Variants in MYBBP1A observed in about 807,000 individuals in gnomAD.
MYBBP1A encodes myb-binding protein 1A.
MYBBP1A carries 147 observed loss-of-function variants against 136.3 expected under a neutral mutation model. The observed-to-expected ratio is 1.08, with a 90% CI of 0.94 to 1.24. The LOEUF (loss-of-function observed/expected upper bound fraction) is 1.24. Ranked by LOEUF, MYBBP1A falls within the 50% of genes most tolerant of loss-of-function variation. The probability of loss-of-function intolerance (pLI) is 0.00; values close to 1 mark genes in which losing one functional copy is unlikely to be tolerated. For synonymous variants in MYBBP1A, 947 were observed against 735.8 expected (o/e 1.29, Z -4.65); for missense variants, 2,060 against 1,727.4 (o/e 1.19, Z -3.41).
In MYBBP1A at chr17:4,538,922, G is replaced by A. The variant is rs202098334; in HGVS notation, c.*493C>T. On this transcript the variant is annotated 3_prime_UTR_variant, in exon 26 of 26. Transcript: ENST00000254718. ...CCGAGTGTTGCCTCCTCTTCCTTCC[G>A]GAAGCCAAACTGCTCCTTTATTTTT... is the stretch of plus-strand genomic sequence containing the variant. The A allele has an allele frequency of 2.7e-3, 2,086 of 782,508 alleles. 11 individuals carry two copies. Among genetic ancestry groups the A allele is most frequent in the South Asian group, 5.3e-3 (396 of 74,636 alleles). 48.5% of individuals were successfully genotyped at this position (782,508 alleles called of 1,614,324 possible).
chr17:4,547,879 C>A (rs913157265), intron 13 of MYBBP1A, 79 bp downstream of exon 13: 23 of 1,240,658 alleles, frequency 1.9e-5, no homozygotes, highest in Non-Finnish European at 2.4e-5. Context: ...CCCGCACAGC[C>A]CTCAAAAGCC....
intron 25 of MYBBP1A, 81 bp downstream of exon 25, chr17:4,540,267 G>A (rs890475507): frequency 1.5e-5 from 23 of 1,486,606 alleles, no homozygotes; most frequent in Admixed American, 2.0e-5. Context: ...AGCAGCGTGT[G>A]TGCAGCGTGT....
rs569019152 is a variant in MYBBP1A at position 4,552,394 on chromosome 17, T to C, written c.737+57A>G. The C allele has an allele frequency of 2.8e-5, 45 of 1,603,830 alleles. 1 individual carries two copies. The South Asian group carries it at 5.0e-4, about 18-fold the overall frequency. On this transcript the variant is annotated intron_variant, in intron 6 of 25. Transcript: ENST00000254718. The surrounding 1 kb of genome is among the most constrained non-coding windows in gnomAD (Gnocchi z 4.7). The stretch of plus-strand genomic sequence containing the variant: ...CCAGGCCAAACGACAAATCTGGGCC[T>C]GGCCAGATGCAGTCCCTTGGCCCCA...
intron 16 of MYBBP1A, 35 bp downstream of exon 16, chr17:4,545,224 C>A: frequency 6.2e-7 from 1 of 1,612,828 alleles, no homozygotes; most frequent in Non-Finnish European, 8.5e-7. Flanking sequence ...TCGTCCCACT[C>A]CCCACCGCCC....
chr17:4,548,617 T>A lies in MYBBP1A; in HGVS notation c.1463A>T (p.Lys488Met). The A allele has an allele frequency of 6.2e-7, 1 of 1,614,204 alleles. No individual in the cohort carries two copies. Among genetic ancestry groups the A allele is most frequent in the South Asian group, 1.1e-5 (1 of 91,086 alleles). The change falls in exon 11 of 26, where the codon AAG becomes ATG. Residue 488 changes from lysine (K) to methionine (M), a missense_variant. Physicochemically the swap from Lys to Met is moderately conservative, Grantham distance 95. Transcript: ENST00000254718. The surrounding 1 kb of genome is among the most constrained non-coding windows in gnomAD (Gnocchi z 4.2). ...CTCAGGGATCTGGGATGTGGGCTTC[T>A]TTGTGACAAAGAACGAGTGGAACAA... is the stretch of plus-strand genomic sequence containing the variant. ...FCLFHSFFVT[K>M]KPTSQIPETK...
In MYBBP1A at chr17:4,541,544, C is replaced by T; in HGVS notation, c.3216G>A (p.Glu1072=). 1 of 1,613,056 alleles carries T rather than the reference C, an allele frequency of 6.2e-7. No homozygotes were observed. Among genetic ancestry groups the T allele is most frequent in the Non-Finnish European group, 8.5e-7 (1 of 1,180,030 alleles). The change falls in exon 24 of 26, where the codon GAG becomes GAA. Residue 1072 remains glutamate (E), a synonymous_variant. Transcript: ENST00000254718. ...KVTENLRVLG[E]AQTKAQHQQA... is the part of the protein sequence containing the mutation. ...GCTGATGCTGCGCCTTGGTCTGCGC[C>T]TCCCCCAGCACGCGCAAGTTCTAGG...
rs1906844074 is a variant in MYBBP1A at position 4,544,932 on chromosome 17, G to GA, written c.2311-12dup. The GA allele has an allele frequency of 1.3e-6, 2 of 1,593,916 alleles. No homozygotes were observed. Among genetic ancestry groups the GA allele is most frequent in the East Asian group, 4.5e-5 (2 of 44,390 alleles). ...ACTGTCCTCTCCACCCTGAGGGACA[G>GA]AGGCCCAGCGGTCAGCCAGGCCTCG... On this transcript the variant is annotated splice_polypyrimidine_tract_variant and intron_variant, in intron 17 of 25. Coordinates refer to ENST00000254718, the MANE Select transcript of MYBBP1A (RefSeq NM_014520.4).
rs369605248 is a variant in MYBBP1A at position 4,539,595 on chromosome 17, C to G, written c.3807G>C (p.Thr1269=). 6.2e-7 allele frequency: 1 copy of G among 1,614,054 alleles called. No homozygotes were observed. Among genetic ancestry groups the G allele is most frequent in the Non-Finnish European group, 8.5e-7 (1 of 1,180,006 alleles). Residue 1269 remains threonine, a synonymous_variant, in exon 26 of 26, where the codon ACG becomes ACC. Transcript: ENST00000254718. ...SQVNGAPGSP[T]EPAGQKQHQK... ...GATGCTGCTTTTGGCCTGCAGGTTC[C>G]GTGGGGGACCCGGGAGCTCCATTCA...
In MYBBP1A at chr17:4,545,293, T is replaced by C. The variant is rs1273692184; in HGVS notation, c.2126A>G (p.Asp709Gly). The C allele has an allele frequency of 3.7e-6, 6 of 1,612,506 alleles. No homozygotes were observed. The South Asian group carries it at 5.5e-5, about 15-fold the overall frequency. The change falls in exon 16 of 26, where the codon GAC (aspartate) becomes GGC (glycine). Residue 709 changes from aspartate (D) to glycine (G), a missense_variant. Physicochemically the swap from Asp to Gly is moderately conservative, Grantham distance 94. Coordinates refer to ENST00000254718, the MANE Select transcript of MYBBP1A (RefSeq NM_014520.4). The part of the protein sequence containing the change: ...EDENDRVVVT[D>G]DSDERRLKGA... ...CTTCAGCCGCCGCTCATCAGAATCG[T>C]CCGTCACCACCACACGGTCATTCTC...
chr17:4,552,000 A>G lies in MYBBP1A; in HGVS notation c.906-3T>C. 6.2e-7 allele frequency: 1 copy of G among 1,607,288 alleles called. No homozygotes were observed. Reference sequence around the variant, plus strand: ...CCAGCAGGCGGAAACACAGGTAGCTAAAGGGGGTGCAGGACAGAGCCTGGT... The same window carrying G: ...CCAGCAGGCGGAAACACAGGTAGCTGAAGGGGGTGCAGGACAGAGCCTGGT... On this transcript the variant is annotated splice_polypyrimidine_tract_variant and splice_region_variant and intron_variant, in intron 7 of 25. Coordinates refer to ENST00000254718, the MANE Select transcript of MYBBP1A (RefSeq NM_014520.4).
intron 5 of MYBBP1A, among the ~76,000 whole-genome samples, chr17:4,553,228 T>C (rs1201370896): frequency 3.3e-5 from 5 of 152,236 alleles, no homozygotes; most frequent in African/African-American, 9.6e-5. Flanking sequence ...CAGGTCCTTC[T>C]GGCTCTGAGG....
At position 4,552,355 on chromosome 17, in the gene MYBBP1A, C is replaced by G; in HGVS notation, c.738-63G>C. The G allele has an allele frequency of 6.2e-7, 1 of 1,605,684 alleles. No homozygotes were observed. The highest frequency in any genetic ancestry group is 2.2e-5 in the East Asian group (1 of 44,792). On this transcript the variant is annotated intron_variant, in intron 6 of 25. Transcript: ENST00000254718. The surrounding 1 kb of genome is among the most constrained non-coding windows in gnomAD (Gnocchi z 4.7). Reference sequence around the variant, plus strand: ...CAGGCAAGGGCCAGGGTGACAAGAGCAGCCGGGACACCCCCAGGCCAAACG... The same window carrying G: ...CAGGCAAGGGCCAGGGTGACAAGAGGAGCCGGGACACCCCCAGGCCAAACG...
Position 4,545,479 on chromosome 17 carries a change from G to T in MYBBP1A, c.2073+131C>A, listed in dbSNP as rs1395207369. The stretch of plus-strand genomic sequence containing the variant: ...GGAGAGGCGGCCAGGCCAGGCCAAG[G>T]CCTCGTTGAGACCCCTCCCACCGGC... On this transcript the variant is annotated intron_variant, in intron 15 of 25. Transcript: ENST00000254718. 1.7e-5 allele frequency: 25 copies of T among 1,492,440 alleles called. No individual in the cohort carries two copies. The South Asian group carries it at 3.0e-4, about 18-fold the overall frequency. 92.4% of individuals were successfully genotyped at this position (1,492,440 alleles called of 1,614,324 possible).
chr17:4,545,193 G>A lies in MYBBP1A; in HGVS notation c.2161-18C>T, dbSNP rs772763695. 3 of 1,613,026 alleles carry A rather than the reference G, an allele frequency of 1.9e-6. No homozygotes were observed. Among genetic ancestry groups the A allele is most frequent in the South Asian group, 1.1e-5 (1 of 91,056 alleles). On this transcript the variant is annotated intron_variant, in intron 16 of 25. Coordinates refer to ENST00000254718, the MANE Select transcript of MYBBP1A (RefSeq NM_014520.4). ...CTCTTGTCCTGTGTGGTAGAGGCAG[G>A]CGCGTCACACACCTCCCCGATCGTC...
At position 4,545,855 on chromosome 17, in the gene MYBBP1A, T is replaced by C. The variant is rs899441; in HGVS notation, c.1912A>G (p.Lys638Glu). The change falls in exon 14 of 26, where the codon AAG becomes GAG. Residue 638 changes from lysine (K) to glutamate (E), a missense_variant. Physicochemically the swap from Lys to Glu is moderately conservative, Grantham distance 56 (BLOSUM62 1). Coordinates refer to ENST00000254718, the MANE Select transcript of MYBBP1A (RefSeq NM_014520.4). ...GTGACCAAGGACCCACCGATGGTCT[T>C]GGTGCGGCTCCGGCGGGGCTTCTCT... ...LGEKPRRSRT[K>E]TIDPQEPPWV... is the part of the protein sequence containing the mutation. 3.0e-3 allele frequency: 4,834 copies of C among 1,613,194 alleles called. 128 individuals carry two copies. The African/African-American group carries it at 0.059, about 20-fold the overall frequency.
chr17:4,554,507 C>G (rs955482294), intron 2 of MYBBP1A, among the ~76,000 whole-genome samples: 2 of 152,180 alleles, frequency 1.3e-5, no homozygotes, highest in African/African-American at 4.8e-5. Flanking sequence ...ATCCTGCAGG[C>G]CTGGGTCTTT....
rs1208137306 is a variant in MYBBP1A, at chr17:4,544,784, C to CTTCTGCAGCTTG, written c.2436_2447dup (p.Asn812_Gln815dup). On this transcript the variant is annotated inframe_insertion, in exon 18 of 26. Coordinates refer to ENST00000254718, the MANE Select transcript of MYBBP1A (RefSeq NM_014520.4). ...GGAAGTCGCGCCGCAGAGCCTTCTCCTTCTGCAGCTTGTTCTTCTCGTCTC... is the reference window on the plus strand; with the variant it reads ...GGAAGTCGCGCCGCAGAGCCTTCTCCTTCTGCAGCTTGTTCTGCAGCTTGTTCTTCTCGTCTC... 6.3e-7 allele frequency: 1 copy of CTTCTGCAGCTTG among 1,595,608 alleles called. No individual in the cohort carries two copies. The highest frequency in any genetic ancestry group is 1.3e-5 in the African/African-American group (1 of 74,458).
In MYBBP1A at chr17:4,539,361, A is replaced by T. The variant is rs2144403328; in HGVS notation, c.*54T>A. On this transcript the variant is annotated 3_prime_UTR_variant, in exon 26 of 26. Coordinates refer to ENST00000254718, the MANE Select transcript of MYBBP1A (RefSeq NM_014520.4). ...TCATGGTTTAAAAAAAAAAAAAAAA[A>T]ATAGGCGTCTCAGGCAGATGGAGGC... The T allele has an allele frequency of 6.6e-7, 1 of 1,504,906 alleles. No homozygotes were observed. The highest frequency in any genetic ancestry group is 8.8e-7 in the Non-Finnish European group (1 of 1,132,102). 93.2% of individuals were successfully genotyped at this position (1,504,906 alleles called of 1,614,324 possible). A position where few individuals can be genotyped will look rare whatever the true frequency, so the allele number is the denominator to read the frequency against.
At position 4,542,695 on chromosome 17, in the gene MYBBP1A, G is replaced by T. The variant is rs576840138; in HGVS notation, c.2939C>A (p.Thr980Lys). 1.2e-6 allele frequency: 2 copies of T among 1,614,074 alleles called. No individual in the cohort carries two copies. The highest frequency in any genetic ancestry group is 2.7e-5 in the African/African-American group (2 of 75,052). The change falls in exon 21 of 26, where the codon ACA (threonine) becomes AAA (lysine). Residue 980 changes from threonine to lysine, a missense_variant. Thr to Lys is a moderately conservative substitution (Grantham distance 78). Coordinates refer to ENST00000254718, the MANE Select transcript of MYBBP1A (RefSeq NM_014520.4). ...CTTGGTCAGGAAGGAGCTCAGTGCT[G>T]TCGAGTACACCCGGGTCACCAGGTT... is the stretch of plus-strand genomic sequence containing the variant. ...DLNLVTRVYS[T>K]ALSSFLTKRN...
Sources: gnomAD v4.1 joint callset for allele counts (sites outside exome capture counted in the v4.1 genomes callset) on GRCh38, gnomAD v4.1.1 for gene constraint, Gnocchi (gnomAD v3.1) non-coding constraint, MANE v1.5 for transcripts, NCBI Gene and HGNC (gene_info 2026-07-23, HGNC 2026-07-21) for gene names.